MFSD11: variants seen among roughly 807,000 people sequenced by gnomAD.
The protein encoded by MFSD11 is UNC93-like protein MFSD11.
In MFSD11, 36 loss-of-function variants were observed where a neutral mutation model predicts 53.5. That is an observed-to-expected ratio of 0.67 (90% CI 0.52 to 0.89). The LOEUF (loss-of-function observed/expected upper bound fraction) is 0.89. Ranked by LOEUF, MFSD11 falls within the 40% of genes least tolerant of loss-of-function variation. The pLI is 0.00. For synonymous variants in MFSD11, 186 were observed against 184.9 expected, an observed-to-expected ratio of 1.01 and a Z score of -0.05; for missense variants, 530 against 543.9, an observed-to-expected ratio of 0.97 and a Z score of 0.25.
chr17:76,738,797 C>G, intron 1 of MFSD11, 141 bp from the exon 2 acceptor site: 2 of 678,712 alleles, frequency 2.9e-6, no homozygotes, highest in Admixed American at 2.8e-5. Context: ...TGTCCTTTTT[C>G]TTTTCTCATA....
chr17:76,787,986 C>T, the MFSD11 span, among the ~76,000 whole-genome samples: 2 of 148,814 alleles, frequency 1.3e-5, no homozygotes, highest in East Asian at 1.9e-4. Flanking sequence ...CCCCCAAATA[C>T]ATGGTTTTGC....
chr17:76,737,537 G>A (rs1339329577), upstream of MFSD11: 4 of 276,828 alleles, frequency 1.4e-5, no homozygotes, highest in East Asian at 5.7e-5. Flanking sequence ...GAGGGGGAGC[G>A]GAATTAGCGG....
chr17:76,764,522 G>A (rs1172896010), intron 8 of MFSD11, among the ~76,000 whole-genome samples: 1 of 152,084 alleles, frequency 6.6e-6, no homozygotes, highest in Non-Finnish European at 1.5e-5. Context: ...TCTGTGTCTG[G>A]CTTATTTCAC....
intron 7 of MFSD11, among the ~76,000 whole-genome samples, chr17:76,746,509 A>G (rs2078554008): frequency 6.6e-6 from 1 of 152,236 alleles, no homozygotes; most frequent in Admixed American, 6.5e-5. Flanking sequence ...TTTTATAGCT[A>G]GAGAGAAGTT....
downstream of MFSD11, among the ~76,000 whole-genome samples, chr17:76,784,447 C>T (rs1265213519): frequency 4.6e-5 from 7 of 152,010 alleles, no homozygotes; most frequent in Non-Finnish European, 8.8e-5. Flanking sequence ...GCAGGAGAAT[C>T]GCTTGAACCT....
chr17:76,737,488 C>T (rs780822742), upstream of MFSD11: 4 of 327,510 alleles, frequency 1.2e-5, no homozygotes, highest in Admixed American at 4.6e-5. Context: ...GCGCACAGCC[C>T]GGCGGGCGGG....
At chr17:76,772,378 C>T (rs615840) in intron 10 of MFSD11, among the ~76,000 whole-genome samples, 198 of 151,646 alleles carry the variant, frequency 1.3e-3, no homozygotes, top group African/African-American at 4.7e-3. Flanking sequence ...CCAGCCTGGG[C>T]CACAGAGCAA....
intron 8 of MFSD11, among the ~76,000 whole-genome samples, chr17:76,760,543 C>T (rs150165240): frequency 1.3e-3 from 202 of 149,846 alleles, no homozygotes; most frequent in Middle Eastern, 0.01. Context: ...TTTTTTTAAA[C>T]GGAGTGTCGG....
chr17:76,741,920 C>A, intron 3 of MFSD11, 49 bp from the exon 4 acceptor site: 2 of 1,613,134 alleles, frequency 1.2e-6, no homozygotes, highest in Non-Finnish European at 1.7e-6. Context: ...AATTGGCATT[C>A]TATTTCAGGT....
intron 10 of MFSD11, 22 bp downstream of exon 10, chr17:76,769,893 T>G (rs2081237041): frequency 6.2e-7 from 1 of 1,601,342 alleles, no homozygotes; most frequent in South Asian, 1.1e-5. Context: ...AAAAAAGCGT[T>G]TGCATTAAAA....
At chr17:76,747,723 C>G (rs761814902) in intron 7 of MFSD11, among the ~76,000 whole-genome samples, 2 of 152,164 alleles carry the variant, frequency 1.3e-5, no homozygotes, top group Non-Finnish European at 2.9e-5. Flanking sequence ...CTGACCCCCC[C>G]ATTCAGCCAG....
chr17:76,760,182 T>A (rs2080076929), intron 8 of MFSD11, among the ~76,000 whole-genome samples: 1 of 149,576 alleles, frequency 6.7e-6, no homozygotes, highest in East Asian at 2.0e-4. Flanking sequence ...GCAGGAGAAT[T>A]GCTTGAACCC....
intron 7 of MFSD11, among the ~76,000 whole-genome samples, chr17:76,752,397 ATT>A (rs201402482): frequency 9.4e-5 from 13 of 138,460 alleles, no homozygotes; most frequent in Non-Finnish European, 1.3e-4. Context: ...AAAGTCAGGG[ATT>A]TTTTTTTTTT....
At chr17:76,738,755 C>G (rs2077754308) in intron 1 of MFSD11, among the ~76,000 whole-genome samples, 183 bp from the exon 2 acceptor site, 1 of 152,220 alleles carries the variant, frequency 6.6e-6, no homozygotes, top group Non-Finnish European at 1.5e-5. Flanking sequence ...CCTCCCCCCT[C>G]CCTGTCATTG....
chr17:76,737,524 A>C (rs983852691), upstream of MFSD11: 12 of 290,144 alleles, frequency 4.1e-5, no homozygotes, highest in East Asian at 1.1e-4. Flanking sequence ...TCACGGCTGG[A>C]GGGAGGGGGA....
rs142022888 is a variant in MFSD11, at chr17:76,738,940, A to G, written c.99A>G (p.Gln33=). 51 of 1,613,810 alleles carry G rather than the reference A, an allele frequency of 3.2e-5. 1 individual carries two copies. Among genetic ancestry groups the G allele is most frequent in the Non-Finnish European group, 4.2e-5 (49 of 1,179,802 alleles). The change falls in exon 2 of 13, where the codon CAA becomes CAG. Residue 33 remains glutamine (Q), a splice_region_variant and synonymous_variant. Coordinates refer to ENST00000685175, the MANE Select transcript of MFSD11 (RefSeq NM_001242532.5). The stretch of plus-strand genomic sequence containing the variant: ...GATTAGTTTTATCTTCCACACAGCA[A>G]ACTGTCATCAGGAGCTTAAATAGGA... ...TAFQTCGNVA[Q]TVIRSLNRTD...
the MFSD11 span, among the ~76,000 whole-genome samples, chr17:76,793,810 G>A: frequency 4.0e-5 from 6 of 151,614 alleles, no homozygotes; most frequent in Middle Eastern, 3.4e-3. Flanking sequence ...GGCTTCAGCC[G>A]GTCCCTCCAT....
At chr17:76,799,644 G>T in the MFSD11 span, 1 of 152,216 alleles carries the variant, frequency 6.6e-6, no homozygotes, top group South Asian at 2.1e-4. Flanking sequence ...AAAGTGCTGC[G>T]ATTACAGGCG....
chr17:76,782,501 CAG>C (rs1429137639), downstream of MFSD11, among the ~76,000 whole-genome samples: 49 of 73,628 alleles, frequency 6.7e-4, no homozygotes, highest in African/African-American at 2.4e-3. Context: ...TTTTTTGAGA[CAG>C]AGTCTTGCTC....
Sources: gnomAD v4.1 joint callset for allele counts (sites outside exome capture counted in the v4.1 genomes callset) on GRCh38, gnomAD v4.1.1 for gene constraint, MANE v1.5 for transcripts, NCBI Gene and HGNC (gene_info 2026-07-23, HGNC 2026-07-21) for gene names.